The following PRR16 variants were observed in gnomAD, a reference collection of about 807,000 sequenced individuals.
PRR16 encodes the protein proline rich 16.
In PRR16, 6 loss-of-function variants were observed where a neutral mutation model predicts 18.2. The ratio of observed to expected loss-of-function variants is 0.33; its 90% CI spans 0.18 to 0.65. The LOEUF (loss-of-function observed/expected upper bound fraction) is 0.65. Ranked by LOEUF, PRR16 falls within the 30% of genes least tolerant of loss-of-function variation. The pLI is 0.74. For synonymous variants in PRR16, 151 were observed against 147.8 expected (o/e 1.02, Z -0.16); for missense variants, 412 against 376.6 (o/e 1.09, Z -0.78).
intron 1 of PRR16, among the ~76,000 whole-genome samples, chr5:120,485,877 C>A (rs1417924009): frequency 1.3e-5 from 2 of 152,120 alleles, no homozygotes; most frequent in Non-Finnish European, 2.9e-5. Flanking sequence ...TCAATTCCCA[C>A]CTATGAGTGA....
At chr5:120,553,740 C>G (rs984684740) in intron 1 of PRR16, among the ~76,000 whole-genome samples, 4 of 151,766 alleles carry the variant, frequency 2.6e-5, no homozygotes, top group Admixed American at 6.6e-5. Context: ...TTTTCTAGTT[C>G]TCTACACCAC....
the PRR16 span, among the ~76,000 whole-genome samples, chr5:120,709,380 C>G: frequency 6.6e-6 from 1 of 151,924 alleles, no homozygotes; most frequent in South Asian, 2.1e-4. Flanking sequence ...ATTAGTTGTT[C>G]ATATTTATGG....
Position 120,553,643 on chromosome 5 carries a change from T to C in PRR16, c.159+88998T>C, listed in dbSNP as rs1382548672. On this transcript the variant is annotated intron_variant, in intron 1 of 1. Transcript: ENST00000407149. ...TTCAAAAGTTGGTAATCTCTTATTA[T>C]GTTTCAAAGCAATATGTAATATGTT... 2.6e-5 allele frequency among the ~76,000 whole-genome samples: 4 copies of C among 151,954 alleles called. No individual in the cohort carries two copies. In the East Asian group the frequency reaches 7.8e-4, roughly 29 times the overall value.
intron 1 of PRR16, among the ~76,000 whole-genome samples, chr5:120,471,232 A>G (rs560658359): frequency 6.6e-6 from 1 of 152,304 alleles, no homozygotes; most frequent in South Asian, 2.1e-4. Flanking sequence ...GTGATTAATT[A>G]CCTTTAACTT....
the PRR16 span, among the ~76,000 whole-genome samples, chr5:120,704,822 G>T: frequency 6.6e-6 from 1 of 152,128 alleles, no homozygotes; most frequent in Non-Finnish European, 1.5e-5. Flanking sequence ...AATTGAGACA[G>T]TATATAGTCA....
the PRR16 span, among the ~76,000 whole-genome samples, chr5:120,747,790 A>G: frequency 2.2e-4 from 33 of 152,136 alleles, no homozygotes; most frequent in Admixed American, 4.6e-4. Flanking sequence ...AAAGAAGGAA[A>G]GAAAGAAAGT....
At chr5:120,765,537 TAAAAAGTATTCTTTAATACA>T in the PRR16 span, among the ~76,000 whole-genome samples, 1 of 152,044 alleles carries the variant, frequency 6.6e-6, no homozygotes, top group Non-Finnish European at 1.5e-5. Context: ...TATTTGGCTG[TAAAAAGTATTCTTTAATACA>T]AAAATTAACC....
At chr5:120,652,512 T>C (rs1272591456) in intron 1 of PRR16, among the ~76,000 whole-genome samples, 1 of 152,030 alleles carries the variant, frequency 6.6e-6, no homozygotes, top group Non-Finnish European at 1.5e-5. Context: ...TTAGTAAGTA[T>C]TATTGATGTG....
intron 1 of PRR16, among the ~76,000 whole-genome samples, chr5:120,613,179 A>G (rs1754388899): frequency 6.6e-6 from 1 of 152,236 alleles, no homozygotes; most frequent in Non-Finnish European, 1.5e-5. Context: ...AAGGAAACCT[A>G]GCAATTAAGC....
intron 1 of PRR16, among the ~76,000 whole-genome samples, chr5:120,504,114 G>C (rs1750562398): frequency 6.6e-6 from 1 of 151,610 alleles, no homozygotes; most frequent in African/African-American, 2.4e-5. Flanking sequence ...ATGCTGGTGT[G>C]CTGCACCCAT....
the PRR16 span, among the ~76,000 whole-genome samples, chr5:120,778,498 A>G: frequency 6.6e-6 from 1 of 152,132 alleles, no homozygotes; most frequent in Non-Finnish European, 1.5e-5. Context: ...TTTTGAGTAC[A>G]ATGTTTTAAA....
chr5:120,536,171 T>A (rs1184812841), intron 1 of PRR16, among the ~76,000 whole-genome samples: 1 of 152,210 alleles, frequency 6.6e-6, no homozygotes, highest in Non-Finnish European at 1.5e-5. Flanking sequence ...AATGACATTG[T>A]GTGTGTAACC....
chr5:120,514,287 G>C (rs939853038), intron 1 of PRR16, among the ~76,000 whole-genome samples: 7 of 152,050 alleles, frequency 4.6e-5, no homozygotes, highest in African/African-American at 1.7e-4. Context: ...AATGCCTTTG[G>C]TGTCATTCTT....
At chr5:120,741,338 A>AT in the PRR16 span, among the ~76,000 whole-genome samples, 1 of 152,130 alleles carries the variant, frequency 6.6e-6, no homozygotes, top group Non-Finnish European at 1.5e-5. Context: ...AATAGCTGGG[A>AT]TTGCAGGCAC....
intron 1 of PRR16, among the ~76,000 whole-genome samples, chr5:120,670,725 G>T (rs1463846506): frequency 6.6e-6 from 1 of 152,060 alleles, no homozygotes; most frequent in African/African-American, 2.4e-5. Context: ...TTCATGCTAA[G>T]CACACTCCCT....
the PRR16 span, among the ~76,000 whole-genome samples, chr5:120,782,205 T>G: frequency 3.3e-5 from 5 of 152,140 alleles, no homozygotes; most frequent in Non-Finnish European, 7.4e-5. Flanking sequence ...AACCATCAAT[T>G]TGCAACAGAC....
At chr5:120,561,472 G>C (rs1314777324) in intron 1 of PRR16, among the ~76,000 whole-genome samples, 1 of 152,088 alleles carries the variant, frequency 6.6e-6, no homozygotes, top group Non-Finnish European at 1.5e-5. Flanking sequence ...ATTGTGGTCA[G>C]AGAAGATTCT....
chr5:120,787,294 T>C, the PRR16 span, among the ~76,000 whole-genome samples: 1 of 152,162 alleles, frequency 6.6e-6, no homozygotes, highest in African/African-American at 2.4e-5. Flanking sequence ...AAATTTTACA[T>C]GAAAAGCAAT....
At chr5:120,631,946 A>C (rs1483737185) in intron 1 of PRR16, among the ~76,000 whole-genome samples, 1 of 152,054 alleles carries the variant, frequency 6.6e-6, no homozygotes. Flanking sequence ...CAGCACACTA[A>C]ATGAAAACAC....
Sources: gnomAD v4.1 joint callset for allele counts (sites outside exome capture counted in the v4.1 genomes callset) on GRCh38, gnomAD v4.1.1 for gene constraint, MANE v1.5 for transcripts, NCBI Gene and HGNC (gene_info 2026-07-23, HGNC 2026-07-21) for gene names.